SUMF1: variants seen among roughly 807,000 people sequenced by gnomAD.
SUMF1 encodes sulfatase modifying factor 1.
In SUMF1, 48 loss-of-function variants were observed where a neutral mutation model predicts 47.6. The observed-to-expected ratio is 1.01, with a 90% CI of 0.80 to 1.28. The LOEUF (loss-of-function observed/expected upper bound fraction) is 1.28, where lower values mean the gene tolerates loss of function less well. Ranked by LOEUF, SUMF1 falls within the 50% of genes most tolerant of loss-of-function variation. The pLI is 0.00. For synonymous variants in SUMF1, 230 were observed against 192.1 expected (o/e 1.20, Z -1.63); for missense variants, 571 against 485.4 (o/e 1.18, Z -1.66).
intron 8 of SUMF1, among the ~76,000 whole-genome samples, chr3:4,245,480 C>T (rs1156420521): frequency 6.6e-6 from 1 of 152,178 alleles, no homozygotes; most frequent in Non-Finnish European, 1.5e-5. Context: ...AGTTTTCCTT[C>T]TAACAGACAG....
chr3:4,152,633 G>C (rs916635167), intron 8 of SUMF1, among the ~76,000 whole-genome samples: 1 of 151,262 alleles, frequency 6.6e-6, no homozygotes, highest in African/African-American at 2.5e-5. Context: ...ATGTGGATCA[G>C]CTCCATAACT....
intron 8 of SUMF1, among the ~76,000 whole-genome samples, chr3:4,254,935 C>A (rs1490535563): frequency 1.3e-5 from 2 of 152,082 alleles, no homozygotes; most frequent in East Asian, 3.9e-4. Flanking sequence ...ACCCTACAAG[C>A]CAGAAGAGAG....
chr3:4,438,414 T>C (rs1702472511), intron 3 of SUMF1, among the ~76,000 whole-genome samples: 1 of 152,160 alleles, frequency 6.6e-6, no homozygotes, highest in South Asian at 2.1e-4. Context: ...AGAATCCTGC[T>C]AAGTCAGTTT....
intron 8 of SUMF1, among the ~76,000 whole-genome samples, chr3:4,238,259 T>C (rs976099817): frequency 5.9e-5 from 9 of 151,732 alleles, no homozygotes; most frequent in African/African-American, 1.9e-4. Flanking sequence ...TGTGTCTTTA[T>C]AGAATGATTT....
intron 7 of SUMF1, among the ~76,000 whole-genome samples, chr3:4,395,351 G>T (rs189431321): frequency 3.3e-5 from 5 of 151,986 alleles, no homozygotes; most frequent in African/African-American, 9.7e-5. Context: ...AATGTCCAAC[G>T]TGAAAAAATA....
At chr3:4,153,520 AG>A (rs1694384543) in intron 8 of SUMF1, among the ~76,000 whole-genome samples, 1 of 92,982 alleles carries the variant, frequency 1.1e-5, no homozygotes, top group African/African-American at 3.1e-5. Flanking sequence ...CCCGCCTTGT[AG>A]GTTTTTTTTT....
At chr3:4,117,085 A>C (rs1693439618) in intron 8 of SUMF1, among the ~76,000 whole-genome samples, 1 of 152,176 alleles carries the variant, frequency 6.6e-6, no homozygotes, top group African/African-American at 2.4e-5. Flanking sequence ...ATTTTATAGA[A>C]GTGTAGATAA....
chr3:4,141,380 T>G (rs1459571357), intron 8 of SUMF1, among the ~76,000 whole-genome samples: 1 of 152,150 alleles, frequency 6.6e-6, no homozygotes, highest in Non-Finnish European at 1.5e-5. Flanking sequence ...TAAGAAGATC[T>G]GACCAGAAAT....
At chr3:4,257,625 T>C (rs1397149723) in intron 8 of SUMF1, among the ~76,000 whole-genome samples, 2 of 148,318 alleles carry the variant, frequency 1.3e-5, no homozygotes, top group Non-Finnish European at 3.0e-5. Flanking sequence ...TACAAACAAA[T>C]GGAAGAACAT....
chr3:4,413,153 C>T (rs1351783026), intron 6 of SUMF1, among the ~76,000 whole-genome samples: 1 of 151,970 alleles, frequency 6.6e-6, no homozygotes, highest in Non-Finnish European at 1.5e-5. Flanking sequence ...CACAGGTGTG[C>T]ACCACCACAA....
At position 4,443,264 on chromosome 3, in the gene SUMF1, C is replaced by G. The variant is rs188282568; in HGVS notation, c.519+6002G>C. On this transcript the variant is annotated intron_variant, in intron 3 of 8. Transcript: ENST00000272902. ...CGCACTCTAGCCTTGGTGACAGAGC[C>G]AGACTCTGTCTCAAAAAATAAAAAT... Among the ~76,000 whole-genome samples the G allele has an allele frequency of 2.5e-3, 381 of 151,914 alleles. 2 individuals carry two copies. Among genetic ancestry groups the G allele is most frequent in the African/African-American group, 8.9e-3 (370 of 41,392 alleles).
intron 8 of SUMF1, among the ~76,000 whole-genome samples, chr3:4,160,103 G>T (rs1465533594): frequency 6.6e-6 from 1 of 151,952 alleles, no homozygotes; most frequent in Non-Finnish European, 1.5e-5. Context: ...ATCTCTCTAG[G>T]TTTGGAAAAC....
chr3:4,232,586 C>T (rs1696324774), intron 8 of SUMF1, among the ~76,000 whole-genome samples: 1 of 151,806 alleles, frequency 6.6e-6, no homozygotes, highest in South Asian at 2.1e-4. Context: ...AGAATTTATG[C>T]TTGCTTGCCG....
intron 8 of SUMF1, among the ~76,000 whole-genome samples, chr3:4,201,075 A>C (rs1052952635): frequency 2.0e-5 from 3 of 152,110 alleles, no homozygotes; most frequent in African/African-American, 7.2e-5. Context: ...ACAATGTGCA[A>C]TAATCACATC....
intron 8 of SUMF1, among the ~76,000 whole-genome samples, chr3:4,234,699 G>A (rs1696371759): frequency 6.6e-6 from 1 of 152,096 alleles, no homozygotes; most frequent in African/African-American, 2.4e-5. Flanking sequence ...GGAAGTATTT[G>A]GGGAGAAGGG....
At position 4,046,146 on chromosome 3, in the gene SUMF1, CA is replaced by C. The variant is rs1695002951; in HGVS notation, c.1191+22422del. On this transcript the variant is annotated intron_variant and NMD_transcript_variant, in intron 9 of 12. Transcript: ENST00000448413. ...GGGGAGAAAGGAGGGGAACCTACTCCAAATTCTAGCTCAGGTCTTACCTAAA... is the reference window on the plus strand; with the variant it reads ...GGGGAGAAAGGAGGGGAACCTACTCCAATTCTAGCTCAGGTCTTACCTAAA... 3.9e-5 allele frequency among the ~76,000 whole-genome samples: 6 copies of C among 152,238 alleles called. No homozygotes were observed. In the South Asian group the frequency reaches 1.2e-3, roughly 32 times the overall value.
At chr3:4,424,465 G>C (rs1326923875) in intron 3 of SUMF1, among the ~76,000 whole-genome samples, 3 of 152,174 alleles carry the variant, frequency 2.0e-5, no homozygotes, top group African/African-American at 7.2e-5. Context: ...GCATGAGAAA[G>C]AGGACACCAC....
chr3:4,057,980 T>C (rs1695219278), intron 9 of SUMF1, among the ~76,000 whole-genome samples: 1 of 151,918 alleles, frequency 6.6e-6, no homozygotes, highest in African/African-American at 2.4e-5. Flanking sequence ...GGGATTAGAG[T>C]CTAGATCTAC....
At chr3:4,073,964 G>C (rs1342206030) in intron 8 of SUMF1, among the ~76,000 whole-genome samples, 1 of 152,148 alleles carries the variant, frequency 6.6e-6, no homozygotes, top group Non-Finnish European at 1.5e-5. Flanking sequence ...TCCAGGACTT[G>C]AAATCAGCTC....
Sources: gnomAD v4.1 joint callset for allele counts (sites outside exome capture counted in the v4.1 genomes callset) on GRCh38, gnomAD v4.1.1 for gene constraint, MANE v1.5 for transcripts, NCBI Gene and HGNC (gene_info 2026-07-23, HGNC 2026-07-21) for gene names.